The following SLC27A6 variants were observed in gnomAD, a reference collection of about 807,000 sequenced individuals.
SLC27A6 encodes the protein long-chain fatty acid transport protein 6.
A neutral mutation model predicts 63.9 loss-of-function variants in SLC27A6; 74 were observed. The observed-to-expected ratio is 1.16, with a 90% CI of 0.96 to 1.40. The LOEUF (loss-of-function observed/expected upper bound fraction) is 1.40, where lower values mean the gene tolerates loss of function less well. Ranked by LOEUF, SLC27A6 falls within the 40% of genes most tolerant of loss-of-function variation. SLC27A6 has a pLI of 0.00. For synonymous variants in SLC27A6, 287 were observed against 260.8 expected, an observed-to-expected ratio of 1.10 and a Z score of -0.97; for missense variants, 794 against 732.9, an observed-to-expected ratio of 1.08 and a Z score of -0.96.
chr5:128,977,525 A>G (rs183575772), intron 1 of SLC27A6, among the ~76,000 whole-genome samples: 2 of 152,208 alleles, frequency 1.3e-5, no homozygotes, highest in African/African-American at 4.8e-5. Flanking sequence ...AGATGAGGGA[A>G]TGAGCAGGAG....
rs943573284 is a variant in SLC27A6 at position 128,965,790 on chromosome 5, G to A, written c.-348G>A. 4.7e-6 allele frequency: 1 copy of A among 211,656 alleles called. No individual in the cohort carries two copies. The highest frequency in any genetic ancestry group is 9.4e-6 in the Non-Finnish European group (1 of 105,892). The allele number at this position is 211,656 out of a possible 1,614,324, so 13.1% of individuals were successfully genotyped here. Reference sequence around the variant, plus strand: ...CTGGGGAACTCGCAGGGCACGGGCCGCTGTCGCGGTTGGGAGGCGAGGGCG... The same window carrying A: ...CTGGGGAACTCGCAGGGCACGGGCCACTGTCGCGGTTGGGAGGCGAGGGCG... On this transcript the variant is annotated 5_prime_UTR_variant, in exon 1 of 10. Coordinates refer to ENST00000262462, the MANE Select transcript of SLC27A6 (RefSeq NM_001017372.3).
At chr5:129,014,696 T>A (rs1004820136) in intron 4 of SLC27A6, among the ~76,000 whole-genome samples, 5 of 152,202 alleles carry the variant, frequency 3.3e-5, no homozygotes, top group African/African-American at 9.6e-5. Flanking sequence ...AGATGCTTTG[T>A]CTGTATGTAG....
intron 5 of SLC27A6, among the ~76,000 whole-genome samples, chr5:129,020,980 C>T (rs1011108133): frequency 2.0e-5 from 3 of 151,658 alleles, no homozygotes; most frequent in African/African-American, 7.3e-5. Flanking sequence ...CGAACTGGTG[C>T]CAAATGGGGA....
chr5:128,972,353 G>A (rs1288299633), intron 1 of SLC27A6, among the ~76,000 whole-genome samples: 1 of 152,178 alleles, frequency 6.6e-6, no homozygotes, highest in Non-Finnish European at 1.5e-5. Context: ...ATCCTGAAAA[G>A]TGTTTTCCAA....
chr5:129,012,202 T>G (rs1350982242), intron 4 of SLC27A6, among the ~76,000 whole-genome samples: 1 of 151,404 alleles, frequency 6.6e-6, no homozygotes, highest in African/African-American at 2.4e-5. Flanking sequence ...TTCATTGTAA[T>G]TTTTTTTTCT....
At chr5:128,983,339 C>CTGGA (rs1406420986) in intron 1 of SLC27A6, among the ~76,000 whole-genome samples, 1 of 134,876 alleles carries the variant, frequency 7.4e-6, no homozygotes, top group African/African-American at 2.8e-5. Flanking sequence ...CTTGCCCAGG[C>CTGGA]TGGAGTACAA....
rs77979134 is a variant in SLC27A6 at position 129,022,627 on chromosome 5, G to A, written c.1165-993G>A. On this transcript the variant is annotated intron_variant, in intron 5 of 9. Transcript: ENST00000262462. ...AGTTTACCATTTTCTAACTGAGCTT[G>A]TTTGATTGCTGAGTAGAACCTCAAT... 9.3e-4 allele frequency among the ~76,000 whole-genome samples: 141 copies of A among 152,136 alleles called. 4 individuals carry two copies. In the East Asian group the frequency reaches 0.026, roughly 29 times the overall value.
intron 6 of SLC27A6, among the ~76,000 whole-genome samples, chr5:129,025,320 C>T (rs1027866055): frequency 1.3e-4 from 19 of 151,030 alleles, no homozygotes; most frequent in Non-Finnish European, 2.9e-5. Context: ...CACCTGTGTC[C>T]TAAAAAAGAA....
intron 1 of SLC27A6, among the ~76,000 whole-genome samples, chr5:128,966,852 G>A (rs1449310394): frequency 6.6e-6 from 1 of 152,010 alleles, no homozygotes; most frequent in Admixed American, 6.6e-5. Flanking sequence ...TTTGAGACAG[G>A]GACAGTTTTA....
chr5:128,979,925 C>T (rs1003051595), intron 1 of SLC27A6, among the ~76,000 whole-genome samples: 4 of 152,084 alleles, frequency 2.6e-5, no homozygotes, highest in African/African-American at 4.8e-5. Flanking sequence ...TTTCACTCCT[C>T]GAGAACTTTG....
chr5:129,011,288 C>T (rs532357173), intron 4 of SLC27A6, among the ~76,000 whole-genome samples: 8 of 152,274 alleles, frequency 5.3e-5, no homozygotes, highest in Middle Eastern at 3.4e-3. Flanking sequence ...TGTTCCATGT[C>T]CTTGCCAACA....
At chr5:129,027,054 A>G in intron 6 of SLC27A6, 79 bp from the exon 7 acceptor site, 4 of 1,193,186 alleles carry the variant, frequency 3.4e-6, no homozygotes, top group Non-Finnish European at 5.0e-6. Context: ...TGCTGGCCAG[A>G]TATAATATAG....
At position 128,966,561 on chromosome 5, in the gene SLC27A6, A is replaced by T. The variant is rs1170984825; in HGVS notation, c.424A>T (p.Asn142Tyr). The T allele has an allele frequency of 1.0e-5, 16 of 1,568,414 alleles. No individual in the cohort carries two copies. Among genetic ancestry groups the T allele is most frequent in the Non-Finnish European group, 1.4e-5 (16 of 1,162,698 alleles). ...VAFLNTNIRS[N>Y]SLLNCIRACG... The stretch of plus-strand genomic sequence containing the variant: ...CTTTCTCAACACCAACATTCGCTCC[A>T]ACTCCCTCCTGAATTGCATCCGCGC... The change falls in exon 1 of 10, where the codon AAC becomes TAC. Residue 142 changes from asparagine to tyrosine, a missense_variant. By Grantham distance (143) the Asn-to-Tyr change is moderately radical. Transcript: ENST00000262462.
chr5:129,012,802 A>G (rs1416494298), intron 4 of SLC27A6, among the ~76,000 whole-genome samples: 1 of 151,986 alleles, frequency 6.6e-6, no homozygotes, highest in African/African-American at 2.4e-5. Context: ...TTTTCCATCC[A>G]ACTACTTTCA....
rs4068575 is a variant in SLC27A6, at chr5:129,006,071, GTTTTTTTTTTT to G, written c.970-9799_970-9789del. Among the ~76,000 whole-genome samples the G allele has an allele frequency of 1.5e-4, 9 of 60,148 alleles. 1 individual carries two copies. The highest frequency in any genetic ancestry group is 1.0e-3 in the South Asian group (1 of 1,000). The allele number at this position is 60,148 out of a possible 152,430, so 39.5% of individuals were successfully genotyped here. On this transcript the variant is annotated intron_variant, in intron 4 of 9. Coordinates refer to ENST00000262462, the MANE Select transcript of SLC27A6 (RefSeq NM_001017372.3). The stretch of plus-strand genomic sequence containing the variant: ...TAAAATTTTCATTCCTGTGCACACT[GTTTTTTTTTTT>G]TTTTTTTTTTTTTTGAGACGGAGTC...
In SLC27A6 at chr5:128,966,528, G is replaced by T. The variant is rs780459732; in HGVS notation, c.391G>T (p.Val131Leu). ...GTTCGGCCTCGCCAAGCTGGGCTGCGTGGTGGCCTTTCTCAACACCAACAT... is the reference window on the plus strand; with the variant it reads ...GTTCGGCCTCGCCAAGCTGGGCTGCTTGGTGGCCTTTCTCAACACCAACAT... The part of the protein sequence containing the change: ...VWFGLAKLGC[V>L]VAFLNTNIRS... Residue 131 changes from valine (V) to leucine (L), a missense_variant, in exon 1 of 10, where the codon GTG becomes TTG. Transcript: ENST00000262462. The T allele has an allele frequency of 1.9e-6, 3 of 1,597,502 alleles. No individual in the cohort carries two copies. The highest frequency in any genetic ancestry group is 1.3e-5 in the African/African-American group (1 of 74,416).
chr5:129,017,973 C>G (rs1464129751), intron 5 of SLC27A6, among the ~76,000 whole-genome samples: 2 of 152,048 alleles, frequency 1.3e-5, no homozygotes, highest in Non-Finnish European at 2.9e-5. Context: ...TTTTTTGACT[C>G]CAAACCTGAC....
intron 9 of SLC27A6, among the ~76,000 whole-genome samples, chr5:129,031,788 A>T (rs540741689): frequency 1.1e-3 from 163 of 152,116 alleles, no homozygotes; most frequent in African/African-American, 3.8e-3. Context: ...TAAGCTTAAA[A>T]ATGGCAGAAC....
intron 4 of SLC27A6, among the ~76,000 whole-genome samples, chr5:128,992,768 A>T (rs2150137848): frequency 6.6e-6 from 1 of 152,262 alleles, no homozygotes; most frequent in South Asian, 2.1e-4. Flanking sequence ...TTAGGGAATT[A>T]ATGCCCTCCA....
Sources: gnomAD v4.1 joint callset for allele counts (sites outside exome capture counted in the v4.1 genomes callset) on GRCh38, gnomAD v4.1.1 for gene constraint, MANE v1.5 for transcripts, NCBI Gene and HGNC (gene_info 2026-07-23, HGNC 2026-07-21) for gene names.